Variants in NBEA observed in about 807,000 individuals in gnomAD.
NBEA encodes the protein lysosomal-trafficking regulator 2.
Under a neutral mutation model 343.4 loss-of-function variants are expected in NBEA, and 44 were observed. The observed-to-expected ratio is 0.13, with a 90% CI of 0.10 to 0.16. NBEA has a LOEUF of 0.16. Among genes scored for constraint, NBEA ranks in the 10% least tolerant of loss-of-function variants. The probability of loss-of-function intolerance (pLI) is 1.00; values close to 1 mark genes in which losing one functional copy is unlikely to be tolerated. For synonymous variants in NBEA, 1,175 were observed against 1,238.7 expected, an observed-to-expected ratio of 0.95 and a Z score of 1.08; for missense variants, 2,555 against 3,631.3, an observed-to-expected ratio of 0.70 and a Z score of 7.62.
intron 36 of NBEA, among the ~76,000 whole-genome samples, chr13:35,332,697 A>G (rs2038999998): frequency 6.6e-6 from 1 of 152,182 alleles, no homozygotes; most frequent in Admixed American, 6.6e-5. Context: ...AGGGAGGCAG[A>G]AAATTATATG....
At chr13:35,155,959 T>G (rs2152708085) in intron 19 of NBEA, 104 bp downstream of exon 19, 1 of 1,475,658 alleles carries the variant, frequency 6.8e-7, no homozygotes, top group Admixed American at 1.9e-5. Context: ...GGTGTTTACC[T>G]AGTTCATGAC....
Position 35,431,214 on chromosome 13 carries a change from A to G in NBEA, c.6180-1055A>G, listed in dbSNP as rs532134849. Among the ~76,000 whole-genome samples, 6 of 152,282 alleles carry G rather than the reference A, an allele frequency of 3.9e-5. No homozygotes were observed. In the East Asian group the frequency reaches 1.2e-3, roughly 29 times the overall value. ...ATATAATGATGAGCAAAACATACATAGGTCCTGCCTTAATCAGACTTAAAG... is the reference window on the plus strand; with the variant it reads ...ATATAATGATGAGCAAAACATACATGGGTCCTGCCTTAATCAGACTTAAAG... On this transcript the variant is annotated intron_variant, in intron 38 of 58. Coordinates refer to ENST00000379939, the MANE Select transcript of NBEA (RefSeq NM_001385012.1).
intron 48 of NBEA, among the ~76,000 whole-genome samples, chr13:35,617,617 G>A (rs773323885): frequency 2.6e-5 from 4 of 152,156 alleles, no homozygotes; most frequent in Non-Finnish European, 5.9e-5. Flanking sequence ...GCTACGCAAA[G>A]ACATCTCGTG....
Position 35,366,957 on chromosome 13 carries a change from C to T in NBEA, c.6179+14634C>T, listed in dbSNP as rs994766025. Reference sequence around the variant, plus strand: ...ATTATTTTAAAGCAAGTTACATTTGCCTCTTACCAATTTTCATATGTAACA... The same window carrying T: ...ATTATTTTAAAGCAAGTTACATTTGTCTCTTACCAATTTTCATATGTAACA... On this transcript the variant is annotated intron_variant, in intron 38 of 58. Transcript: ENST00000379939. 3.3e-5 allele frequency among the ~76,000 whole-genome samples: 5 copies of T among 151,250 alleles called. No individual in the cohort carries two copies. In the Admixed American group the frequency reaches 3.3e-4, roughly 10 times the overall value.
At chr13:34,973,644 C>T (rs1042745887) in intron 1 of NBEA, among the ~76,000 whole-genome samples, 12 of 152,076 alleles carry the variant, frequency 7.9e-5, no homozygotes, top group Non-Finnish European at 2.9e-5. Context: ...CAGGCTGGAA[C>T]AGCTGAGTCA....
intron 46 of NBEA, among the ~76,000 whole-genome samples, chr13:35,591,634 T>C (rs3809377): frequency 0.064 from 9,678 of 152,062 alleles, 454 homozygotes; most frequent in East Asian, 0.24. Context: ...TGGCAACATA[T>C]TACAAGTTTA....
At chr13:35,057,982 C>T (rs1014722272) in intron 7 of NBEA, among the ~76,000 whole-genome samples, 4 of 151,824 alleles carry the variant, frequency 2.6e-5, no homozygotes, top group African/African-American at 7.3e-5. Flanking sequence ...TTTGCTTATT[C>T]GTTCTAAGGT....
At chr13:34,972,493 C>T (rs1268640006) in intron 1 of NBEA, among the ~76,000 whole-genome samples, 1 of 152,116 alleles carries the variant, frequency 6.6e-6, no homozygotes. Context: ...TTAACACTGC[C>T]TTAGCTATGT....
intron 41 of NBEA, among the ~76,000 whole-genome samples, chr13:35,512,839 C>A (rs941320243): frequency 6.6e-6 from 1 of 152,178 alleles, no homozygotes. Flanking sequence ...CCTCATAGGT[C>A]GACCTCCTTC....
At chr13:35,668,231 C>A in intron 57 of NBEA, 137 bp from the exon 58 acceptor site, 1 of 676,370 alleles carries the variant, frequency 1.5e-6, no homozygotes, top group Non-Finnish European at 2.3e-6. Context: ...TGACAGTAGG[C>A]AATAATGATA....
At chr13:35,475,209 G>A (rs771774894) in intron 41 of NBEA, 2 of 1,614,012 alleles carry the variant, frequency 1.2e-6, no homozygotes, top group South Asian at 1.1e-5. Flanking sequence ...GGCACTGCAG[G>A]CAGGAGATAA....
At chr13:35,468,108 AC>A (rs1346379931) in intron 40 of NBEA, among the ~76,000 whole-genome samples, 5,096 of 81,174 alleles carry the variant, frequency 0.063, 345 homozygotes, top group Middle Eastern at 0.11. Flanking sequence ...AATGATTTAC[AC>A]CCCCCCCCCA....
At chr13:35,444,602 G>A (rs2045901411) in intron 39 of NBEA, among the ~76,000 whole-genome samples, 1 of 151,916 alleles carries the variant, frequency 6.6e-6, no homozygotes, top group Non-Finnish European at 1.5e-5. Context: ...TGAATGTTTA[G>A]AAACAGAATT....
chr13:35,329,628 T>C (rs928736066), intron 36 of NBEA, among the ~76,000 whole-genome samples: 7 of 152,018 alleles, frequency 4.6e-5, no homozygotes, highest in Non-Finnish European at 1.0e-4. Context: ...TGTGACATTC[T>C]ATAAAAGACA....
chr13:35,110,802 T>G lies in NBEA; in HGVS notation c.1834-8T>G, dbSNP rs763010944. 1.2e-6 allele frequency: 2 copies of G among 1,601,684 alleles called. No individual in the cohort carries two copies. The highest frequency in any genetic ancestry group is 1.7e-6 in the Non-Finnish European group (2 of 1,170,280). ...TCATTTTAATGATCTGTTAATATTC[T>G]GTATTAGGTTCAGCTTTCCCTATAC... On this transcript the variant is annotated splice_region_variant and splice_polypyrimidine_tract_variant and intron_variant, in intron 12 of 58. Coordinates refer to ENST00000379939, the MANE Select transcript of NBEA (RefSeq NM_001385012.1).
chr13:35,655,491 A>C, intron 54 of NBEA, 88 bp from the exon 55 acceptor site: 1 of 1,347,060 alleles, frequency 7.4e-7, no homozygotes, highest in Non-Finnish European at 1.0e-6. Flanking sequence ...AATATGGTAA[A>C]ATTTTTTAAA....
intron 27 of NBEA, among the ~76,000 whole-genome samples, chr13:35,174,156 A>G (rs1316530265): frequency 6.6e-6 from 1 of 152,068 alleles, no homozygotes; most frequent in Non-Finnish European, 1.5e-5. Context: ...TGTTTTAGTC[A>G]TACCATAGAC....
rs899059909 is a variant in NBEA at position 35,352,316 on chromosome 13, T to C, written c.6172T>C (p.Ser2058Pro). 6 of 1,473,770 alleles carry C rather than the reference T, an allele frequency of 4.1e-6. No homozygotes were observed. The highest frequency in any genetic ancestry group is 5.5e-6 in the Non-Finnish European group (6 of 1,100,542). The allele number at this position is 1,473,770 out of a possible 1,614,324, so 91.3% of individuals were successfully genotyped here. ...TNKHGAWGAVSHSQLHDFWRL... is the reference protein window; with the variant it reads ...TNKHGAWGAVPHSQLHDFWRL... ...TAAACATGGTGCTTGGGGAGCAGTT[T>C]CTCATAGGTGAGTTATAATAAATTC... Residue 2058 changes from serine (S) to proline (P), a missense_variant, in exon 38 of 59, where the codon TCT (serine) becomes CCT (proline). Physicochemically the swap from Ser to Pro is moderately conservative, Grantham distance 74. Transcript: ENST00000379939.
intron 38 of NBEA, among the ~76,000 whole-genome samples, chr13:35,413,808 C>G (rs2043734162): frequency 6.6e-6 from 1 of 151,958 alleles, no homozygotes; most frequent in Non-Finnish European, 1.5e-5. Flanking sequence ...ATATGATGCT[C>G]AATGTTTCTG....
Sources: allele counts gnomAD v4.1 joint callset (sites outside exome capture counted in the v4.1 genomes callset), GRCh38; gene constraint gnomAD v4.1.1; transcripts MANE v1.5; gene names NCBI Gene and HGNC (gene_info 2026-07-23, HGNC 2026-07-21).